The following LMO2 variants were observed in gnomAD, a reference collection of about 807,000 sequenced individuals.
LMO2 encodes the protein LIM domain only 2.
A neutral mutation model predicts 23.2 loss-of-function variants in LMO2; 20 were observed. That is an observed-to-expected ratio of 0.86 (90% CI 0.61 to 1.25). The LOEUF is 1.25. Among genes scored for constraint, LMO2 ranks in the 50% most tolerant of loss-of-function variants. The pLI, the probability that LMO2 is intolerant of heterozygous loss-of-function variation, is 0.00. For synonymous variants in LMO2, 123 were observed against 130.2 expected (o/e 0.94, Z 0.38); for missense variants, 270 against 315.3 (o/e 0.86, Z 1.09).
At position 33,866,443 on chromosome 11, in the gene LMO2, T is replaced by C. The variant is rs182921484; in HGVS notation, c.249-1626A>G. ...TGAGCCCAGGAGTTTGAGGCCAGCC[T>C]GGGCAACGTGGCAAAATCCTGTTTC... is the stretch of plus-strand genomic sequence containing the variant. On this transcript the variant is annotated intron_variant, in intron 4 of 5. Coordinates refer to ENST00000257818, the MANE Select transcript of LMO2 (RefSeq NM_005574.4). Among the ~76,000 whole-genome samples, 187 of 152,278 alleles carry C rather than the reference T, an allele frequency of 1.2e-3. 1 individual carries two copies. The highest frequency in any genetic ancestry group is 4.4e-3 in the African/African-American group (182 of 41,572).
intron 1 of LMO2, among the ~76,000 whole-genome samples, chr11:33,882,634 G>A (rs1885525): frequency 0.46 from 69,979 of 152,076 alleles, 16,422 homozygotes; most frequent in Non-Finnish European, 0.5. Context: ...AAAAGATTAC[G>A]GTTATAAATA....
Position 33,877,798 on chromosome 11 carries a change from G to C in LMO2, c.-272+4026C>G, listed in dbSNP as rs79009141. On this transcript the variant is annotated intron_variant, in intron 2 of 5. Coordinates refer to ENST00000257818, the MANE Select transcript of LMO2 (RefSeq NM_005574.4). The stretch of plus-strand genomic sequence containing the variant: ...GATTCTTAAGCGACAAACCTCAGCA[G>C]GAAGGAGTAGAGCTGGAATCTTGTT... Among the ~76,000 whole-genome samples, 992 of 152,036 alleles carry C rather than the reference G, an allele frequency of 6.5e-3. 12 individuals carry two copies. Among genetic ancestry groups the C allele is most frequent in the African/African-American group, 0.021 (870 of 41,482 alleles).
At position 33,869,962 on chromosome 11, in the gene LMO2, CT is replaced by C; in HGVS notation, c.-247del. The C allele has an allele frequency of 9.6e-7, 1 of 1,039,530 alleles. No individual in the cohort carries two copies. Among genetic ancestry groups the C allele is most frequent in the East Asian group, 6.5e-5 (1 of 15,404 alleles). 64.4% of individuals were successfully genotyped at this position (1,039,530 alleles called of 1,614,324 possible). ...AGGTCTATTTTCGCTCAGCTTCCCT[CT>C]GTCTCTGGTTTCATTTCCTTTTTCC... is the stretch of plus-strand genomic sequence containing the variant. On this transcript the variant is annotated 5_prime_UTR_variant, in exon 3 of 6. It removes the in-frame stop codon of an upstream open reading frame in the 5' UTR. Coordinates refer to ENST00000257818, the MANE Select transcript of LMO2 (RefSeq NM_005574.4).
intron 2 of LMO2, among the ~76,000 whole-genome samples, chr11:33,877,461 C>CTTTTTT (rs398015741): frequency 1.1e-4 from 11 of 104,408 alleles, no homozygotes; most frequent in East Asian, 5.7e-4. Flanking sequence ...TCTCCAGATT[C>CTTTTTT]TTTTTTTTTT....
intron 5 of LMO2, among the ~76,000 whole-genome samples, chr11:33,860,118 C>A (rs758240143): frequency 6.7e-6 from 1 of 148,540 alleles, no homozygotes; most frequent in Non-Finnish European, 1.5e-5. Context: ...AAGCACATCT[C>A]CCCCTGATTA....
intron 1 of LMO2, among the ~76,000 whole-genome samples, chr11:33,885,507 T>G (rs930308433): frequency 5.3e-5 from 8 of 152,180 alleles, no homozygotes; most frequent in Non-Finnish European, 7.4e-5. Context: ...TTGCATGAGG[T>G]CCAGCCACTG....
At chr11:33,887,143 G>T (rs12275340) in intron 1 of LMO2, among the ~76,000 whole-genome samples, 52 of 152,348 alleles carry the variant, frequency 3.4e-4, no homozygotes, top group African/African-American at 1.2e-3. Context: ...ATGGATGAGG[G>T]GCCCATAGGG....
Position 33,864,900 on chromosome 11 carries a change from G to T in LMO2, c.249-83C>A. The T allele has an allele frequency of 7.9e-7, 1 of 1,265,812 alleles. No individual in the cohort carries two copies. The highest frequency in any genetic ancestry group is 1.1e-6 in the Non-Finnish European group (1 of 877,170). 78.4% of individuals were successfully genotyped at this position (1,265,812 alleles called of 1,614,324 possible). On this transcript the variant is annotated intron_variant, in intron 4 of 5. Transcript: ENST00000257818. This position sits in a 1 kb window ranked among gnomAD's most constrained non-coding sequence, Gnocchi z 4.8. Reference sequence around the variant, plus strand: ...GTCCGAGATCGTTTTGGGCCAGACAGGGCATCTCACCTGACTGCCTTTCAG... The same window carrying T: ...GTCCGAGATCGTTTTGGGCCAGACATGGCATCTCACCTGACTGCCTTTCAG...
At chr11:33,861,556 T>C (rs370501146) in intron 5 of LMO2, among the ~76,000 whole-genome samples, 72 of 152,294 alleles carry the variant, frequency 4.7e-4, no homozygotes, top group African/African-American at 1.7e-3. Flanking sequence ...TATCCCAACG[T>C]AGCAGATGGT....
intron 5 of LMO2, 29 bp from the exon 6 acceptor site, chr11:33,859,604 G>T: frequency 6.2e-7 from 1 of 1,601,996 alleles, no homozygotes; most frequent in Non-Finnish European, 8.5e-7. Flanking sequence ...AAGCTAAGAA[G>T]ACAGTGAAAG....
At chr11:33,891,286 T>C (rs568566065) in intron 1 of LMO2, among the ~76,000 whole-genome samples, 6 of 151,952 alleles carry the variant, frequency 3.9e-5, no homozygotes, top group Admixed American at 2.0e-4. Context: ...GGAATGTGTT[T>C]GAAAATGCTA....
At chr11:33,884,088 CG>C (rs1857348146) in intron 1 of LMO2, among the ~76,000 whole-genome samples, 1 of 152,102 alleles carries the variant, frequency 6.6e-6, no homozygotes, top group African/African-American at 2.4e-5. Context: ...ACACCTGACC[CG>C]GTGATCACAG....
chr11:33,883,361 C>A (rs1857331253), intron 1 of LMO2, among the ~76,000 whole-genome samples: 1 of 152,198 alleles, frequency 6.6e-6, no homozygotes, highest in Admixed American at 6.5e-5. Flanking sequence ...AGTGTTGGCA[C>A]ATAGGCCATG....
intron 1 of LMO2, among the ~76,000 whole-genome samples, chr11:33,882,159 T>C (rs912016153): frequency 1.3e-5 from 2 of 152,176 alleles, no homozygotes; most frequent in Non-Finnish European, 2.9e-5. Context: ...GACTTCTTTT[T>C]TTTTTCTTCT....
intron 2 of LMO2, among the ~76,000 whole-genome samples, chr11:33,874,120 A>G (rs1365988140): frequency 1.3e-5 from 2 of 151,226 alleles, no homozygotes; most frequent in East Asian, 1.9e-4. Context: ...TTCGGCTCCC[A>G]TGGAGAATTT....
intron 5 of LMO2, among the ~76,000 whole-genome samples, chr11:33,859,967 C>T (rs1395481662): frequency 1.3e-5 from 2 of 152,098 alleles, no homozygotes; most frequent in African/African-American, 4.8e-5. Context: ...TGGAGAGAGA[C>T]CCTAGGGGCC....
At position 33,859,088 on chromosome 11, in the gene LMO2, T is replaced by C. The variant is rs781599003; in HGVS notation, c.*268A>G. On this transcript the variant is annotated 3_prime_UTR_variant, in exon 6 of 6. Coordinates refer to ENST00000257818, the MANE Select transcript of LMO2 (RefSeq NM_005574.4). ...GCGCCTGCTTGCCCCTAAATGTTCC[T>C]TTCTTCTGCTAATCATGTCAGTTAC... 1 of 452,114 alleles carries C rather than the reference T, an allele frequency of 2.2e-6. No homozygotes were observed. The highest frequency in any genetic ancestry group is 4.0e-6 in the Non-Finnish European group (1 of 247,152). The allele number at this position is 452,114 out of a possible 1,614,324, so 28.0% of individuals were successfully genotyped here. A position where few individuals can be genotyped will look rare whatever the true frequency, so the allele number is the denominator to read the frequency against.
intron 1 of LMO2, among the ~76,000 whole-genome samples, chr11:33,887,829 C>T (rs955681452): frequency 3.3e-5 from 5 of 152,136 alleles, no homozygotes; most frequent in Non-Finnish European, 7.3e-5. Flanking sequence ...CCGCCTTGGC[C>T]TCCCAAAGTG....
chr11:33,884,254 A>C (rs1857352622), intron 1 of LMO2, among the ~76,000 whole-genome samples: 1 of 152,096 alleles, frequency 6.6e-6, no homozygotes, highest in Non-Finnish European at 1.5e-5. Context: ...CCACCTGTTG[A>C]ATAATGCCGA....
Sources: allele counts gnomAD v4.1 joint callset (sites outside exome capture counted in the v4.1 genomes callset), GRCh38; gene constraint gnomAD v4.1.1; non-coding constraint Gnocchi (gnomAD v3.1); transcripts MANE v1.5; gene names NCBI Gene and HGNC (gene_info 2026-07-23, HGNC 2026-07-21).